Variants in ZNF66 observed in about 807,000 individuals in gnomAD.
The protein encoded by ZNF66 is putative zinc finger protein 66.
Under a neutral mutation model 35.2 loss-of-function variants are expected in ZNF66, and 32 were observed. That is an observed-to-expected ratio of 0.91 (90% CI 0.69 to 1.22). ZNF66 has a LOEUF of 1.22. ZNF66 is among the 50% of genes most tolerant of loss of function. The pLI is 0.00. For missense variants in ZNF66, 666 were observed against 543.1 expected (o/e 1.23, Z -2.25); for synonymous variants, 231 against 181.3 (o/e 1.27, Z -2.20).
chr19:20,798,347 C>T (rs1024791980), intron 3 of ZNF66, among the ~76,000 whole-genome samples: 2 of 151,454 alleles, frequency 1.3e-5, no homozygotes, highest in African/African-American at 4.9e-5. Context: ...ATCTGTAATC[C>T]CAGGATTTTG....
In ZNF66 at chr19:20,808,266, CCTCT is replaced by C. The variant is rs1971546076; in HGVS notation, c.*945_*948del. Among the ~76,000 whole-genome samples, 1 of 152,244 alleles carries C rather than the reference CCTCT, an allele frequency of 6.6e-6. No homozygotes were observed. Among genetic ancestry groups the C allele is most frequent in the Non-Finnish European group, 1.5e-5 (1 of 68,046 alleles). On this transcript the variant is annotated 3_prime_UTR_variant, in exon 4 of 4. Transcript: ENST00000344519. Reference sequence around the variant, plus strand: ...GGCCTGCCTGCCTCTGTAGGCTCCACCTCTGGGGTCAGGGCACAGACAAAAAGAC... The same window carrying C: ...GGCCTGCCTGCCTCTGTAGGCTCCACGGGGTCAGGGCACAGACAAAAAGAC...
chr19:20,805,772 G>A (rs1971496518), intron 3 of ZNF66, 55 bp from the exon 4 acceptor site: 1 of 490,172 alleles, frequency 2.0e-6, no homozygotes, highest in South Asian at 5.1e-5. Flanking sequence ...GATTTGTAAA[G>A]TATATTTATC....
rs779876044 is a variant in ZNF66, at chr19:20,806,199, C to T, written c.599C>T (p.Pro200Leu). 1 of 1,346,580 alleles carries T rather than the reference C, an allele frequency of 7.4e-7. No individual in the cohort carries two copies. Among genetic ancestry groups the T allele is most frequent in the African/African-American group, 1.4e-5 (1 of 69,560 alleles). 83.4% of individuals were successfully genotyped at this position (1,346,580 alleles called of 1,614,324 possible). Reference sequence around the variant, plus strand: ...AAGAAAATTCATACTGGAGAGAAACCCTATAAATGTATAGAATGTGGCAAA... The same window carrying T: ...AAGAAAATTCATACTGGAGAGAAACTCTATAAATGTATAGAATGTGGCAAA... ...THKKIHTGEK[P>L]YKCIECGKAF... Residue 200 changes from proline to leucine, a missense_variant, in exon 4 of 4, where the codon CCC (proline) becomes CTC (leucine). Pro to Leu is a moderately conservative substitution (Grantham distance 98). Transcript: ENST00000344519.
At position 20,805,984 on chromosome 19, in the gene ZNF66, A is replaced by G; in HGVS notation, c.384A>G (p.Arg128=). The G allele has an allele frequency of 1.3e-6, 1 of 773,124 alleles. No individual in the cohort carries two copies. Among genetic ancestry groups the G allele is most frequent in the Non-Finnish European group, 2.3e-6 (1 of 441,468 alleles). 47.9% of individuals were successfully genotyped at this position (773,124 alleles called of 1,614,324 possible). ...ESVDKCKVHK[R]GYNGLNQCLT... ...TGGATAAGTGTAAAGTGCACAAAAG[A>G]GGTTATAATGGACTTAACCAATGTT... Residue 128 remains arginine, a synonymous_variant, in exon 4 of 4, where the codon AGA becomes AGG. Transcript: ENST00000344519.
Position 20,793,834 on chromosome 19 carries a change from A to G in ZNF66, c.182A>G (p.Lys61Arg), listed in dbSNP as rs184207193. 3.4e-4 allele frequency: 395 copies of G among 1,171,146 alleles called. 2 individuals carry two copies. In the African/African-American group the frequency reaches 5.8e-3, roughly 17 times the overall value. 72.5% of individuals were successfully genotyped at this position (1,171,146 alleles called of 1,614,324 possible). Residue 61 changes from lysine (K) to arginine (R), a missense_variant, in exon 3 of 4, where the codon AAA (lysine) becomes AGA (arginine). Transcript: ENST00000344519. Reference protein sequence around the residue: ...DLITHLEQGKKPSTMQRHEMV... With the variant: ...DLITHLEQGKRPSTMQRHEMV... ...ATCACCCATCTGGAGCAAGGAAAAA[A>G]ACCTTCGACTATGCAGAGACATGAG...
At chr19:20,802,313 C>T (rs376234875) in intron 3 of ZNF66, among the ~76,000 whole-genome samples, 67 of 152,112 alleles carry the variant, frequency 4.4e-4, no homozygotes, top group African/African-American at 1.6e-3. Flanking sequence ...TTGAGCAGTA[C>T]AGACATCTTC....
chr19:20,792,957 C>T (rs1971352299), intron 2 of ZNF66, among the ~76,000 whole-genome samples: 3 of 151,786 alleles, frequency 2.0e-5, no homozygotes, highest in African/African-American at 7.3e-5. Context: ...AATCCCAGGA[C>T]TCAGGAGGGT....
intron 1 of ZNF66, among the ~76,000 whole-genome samples, chr19:20,781,152 C>G (rs1459281723): frequency 6.6e-6 from 1 of 152,192 alleles, no homozygotes; most frequent in Middle Eastern, 3.2e-3. Context: ...CAGAGTATGG[C>G]TGCATTGGGA....
rs779493685 is a variant in ZNF66, at chr19:20,807,077, T to A, written c.1477T>A (p.Ser493Thr). ...AGAATGTGGCAAGGCCTTTAAGTGCTCCTCTATTCTTACTACACATAAGAG... is the reference window on the plus strand; with the variant it reads ...AGAATGTGGCAAGGCCTTTAAGTGCACCTCTATTCTTACTACACATAAGAG... ...CEECGKAFKC[S>T]SILTTHKRIH... The change falls in exon 4 of 4, where the codon TCC (serine) becomes ACC (threonine). Residue 493 changes from serine to threonine, a missense_variant. Physicochemically the swap from Ser to Thr is moderately conservative, Grantham distance 58 (BLOSUM62 1). Coordinates refer to ENST00000344519, the MANE Select transcript of ZNF66 (RefSeq NM_001355197.2). 5.0e-6 allele frequency: 4 copies of A among 795,870 alleles called. No individual in the cohort carries two copies. Among genetic ancestry groups the A allele is most frequent in the Non-Finnish European group, 9.0e-6 (4 of 442,826 alleles). The allele number at this position is 795,870 out of a possible 1,614,324, so 49.3% of individuals were successfully genotyped here. A position where few individuals can be genotyped will look rare whatever the true frequency, so the allele number is the denominator to read the frequency against.
At position 20,806,236 on chromosome 19, in the gene ZNF66, G is replaced by T. The variant is rs1276529600; in HGVS notation, c.636G>T (p.Arg212=). ...TAGAATGTGGCAAAGCCTTCAACCGGTCCTCACACCTTACTACACATAAGA... is the reference window on the plus strand; with the variant it reads ...TAGAATGTGGCAAAGCCTTCAACCGTTCCTCACACCTTACTACACATAAGA... ...KCIECGKAFN[R]SSHLTTHKII... Residue 212 remains arginine (R), a synonymous_variant, in exon 4 of 4, where the codon CGG becomes CGT. Coordinates refer to ENST00000344519, the MANE Select transcript of ZNF66 (RefSeq NM_001355197.2). 7.0e-7 allele frequency: 1 copy of T among 1,422,946 alleles called. No individual in the cohort carries two copies. The highest frequency in any genetic ancestry group is 1.7e-5 in the Admixed American group (1 of 59,610). 88.1% of individuals were successfully genotyped at this position (1,422,946 alleles called of 1,614,324 possible). A position where few individuals can be genotyped will look rare whatever the true frequency, so the allele number is the denominator to read the frequency against.
chr19:20,776,747 C>T (rs1452516276), intron 1 of ZNF66, among the ~76,000 whole-genome samples: 1 of 152,134 alleles, frequency 6.6e-6, no homozygotes, highest in Non-Finnish European at 1.5e-5. Flanking sequence ...GGGGAGAATG[C>T]TGACTCGCGG....
chr19:20,783,050 G>GT (rs1232278641), intron 1 of ZNF66, among the ~76,000 whole-genome samples: 2 of 152,094 alleles, frequency 1.3e-5, no homozygotes, highest in Non-Finnish European at 2.9e-5. Context: ...AAGGGATCTA[G>GT]TTTCAGTCTT....
chr19:20,796,147 C>A (rs1467562070), intron 3 of ZNF66, among the ~76,000 whole-genome samples: 1 of 152,058 alleles, frequency 6.6e-6, no homozygotes, highest in Non-Finnish European at 1.5e-5. Context: ...CGTTAATGTA[C>A]CATGTATCTG....
rs758984778 is a variant in ZNF66 at position 20,806,712 on chromosome 19, G to T, written c.1112G>T (p.Cys371Phe). 11 of 1,444,038 alleles carry T rather than the reference G, an allele frequency of 7.6e-6. No homozygotes were observed. The South Asian group carries it at 1.3e-4, about 17-fold the overall frequency. The allele number at this position is 1,444,038 out of a possible 1,614,324, so 89.5% of individuals were successfully genotyped here. The change falls in exon 4 of 4, where the codon TGT (cysteine) becomes TTT (phenylalanine). Residue 371 changes from cysteine to phenylalanine, a missense_variant. Coordinates refer to ENST00000344519, the MANE Select transcript of ZNF66 (RefSeq NM_001355197.2). ...CATACTGGAGAGAAACCCTACAAAT[G>T]TGAAGAATGTGGTGAAGCCTTTAAG... ...IIHTGEKPYK[C>F]EECGEAFKYS... is the part of the protein sequence containing the mutation.
rs577704244 is a variant in ZNF66 at position 20,809,861 on chromosome 19, C to T, written c.*2539C>T. On this transcript the variant is annotated 3_prime_UTR_variant, in exon 4 of 4. Transcript: ENST00000344519. The stretch of plus-strand genomic sequence containing the variant: ...GCTTTAAATGTAAATGGGCTAAATG[C>T]TCCAATTAAAAGACACAGACAGGCA... Among the ~76,000 whole-genome samples the T allele has an allele frequency of 2.6e-5, 4 of 152,118 alleles. No homozygotes were observed. The highest frequency in any genetic ancestry group is 2.6e-4 in the Admixed American group (4 of 15,258).
chr19:20,795,372 C>CTT (rs71174747), intron 3 of ZNF66, among the ~76,000 whole-genome samples: 12 of 143,242 alleles, frequency 8.4e-5, no homozygotes, highest in South Asian at 2.2e-4. Context: ...TTTTCTTTTT[C>CTT]TTTTTTTTTT....
intron 1 of ZNF66, 86 bp from the exon 2 acceptor site, chr19:20,792,426 T>A: frequency 8.1e-7 from 1 of 1,239,882 alleles, no homozygotes; most frequent in Non-Finnish European, 1.1e-6. Flanking sequence ...GAACCAGTTA[T>A]CTTTACTCTC....
chr19:20,780,599 G>A (rs1359040497), intron 1 of ZNF66, among the ~76,000 whole-genome samples: 2 of 152,160 alleles, frequency 1.3e-5, no homozygotes, highest in South Asian at 2.1e-4. Context: ...TGTTGACTCT[G>A]GGTGGTGTCA....
At chr19:20,796,801 C>T (rs1241854363) in intron 3 of ZNF66, among the ~76,000 whole-genome samples, 1 of 152,138 alleles carries the variant, frequency 6.6e-6, no homozygotes, top group African/African-American at 2.4e-5. Context: ...ATTCAAAATA[C>T]CTGCATTTAG....
Sources: allele counts gnomAD v4.1 joint callset (sites outside exome capture counted in the v4.1 genomes callset), GRCh38; gene constraint gnomAD v4.1.1; transcripts MANE v1.5; gene names NCBI Gene and HGNC (gene_info 2026-07-23, HGNC 2026-07-21).